SLC28A2: variants seen among roughly 807,000 people sequenced by gnomAD.
SLC28A2 encodes sodium/nucleoside cotransporter 2.
SLC28A2 carries 69 observed loss-of-function variants against 72.9 expected under a neutral mutation model. That is an observed-to-expected ratio of 0.95 (90% CI 0.78 to 1.16). SLC28A2 has a LOEUF of 1.16. Among genes scored for constraint, SLC28A2 ranks in the 50% most tolerant of loss-of-function variants. The pLI is 0.00. For missense variants in SLC28A2, 745 were observed against 791.1 expected (o/e 0.94, Z 0.70); for synonymous variants, 296 against 294.1 (o/e 1.01, Z -0.07).
Position 45,256,570 on chromosome 15 carries a change from A to AT in SLC28A2, c.170+3060dup, listed in dbSNP as rs996006202. On this transcript the variant is annotated intron_variant, in intron 3 of 17. Transcript: ENST00000347644. ...TTACACGTGCTACCACACCCAGCTA[A>AT]TTTTTTTTTTGTATTTTTAGTAGAG... is the stretch of plus-strand genomic sequence containing the variant. 3.9e-3 allele frequency among the ~76,000 whole-genome samples: 578 copies of AT among 147,354 alleles called. 3 individuals are homozygous for AT. The highest frequency in any genetic ancestry group is 0.012 in the African/African-American group (492 of 40,142).
At chr15:45,271,031 G>C (rs897776632) in intron 15 of SLC28A2, among the ~76,000 whole-genome samples, 2 of 152,212 alleles carry the variant, frequency 1.3e-5, no homozygotes, top group Admixed American at 6.5e-5. Flanking sequence ...AATAAAAGCA[G>C]CAGGCACATA....
chr15:45,264,793 T>C (rs1194807211), intron 7 of SLC28A2, 25 bp downstream of exon 7: 2 of 1,413,038 alleles, frequency 1.4e-6, no homozygotes, highest in East Asian at 2.3e-5. Flanking sequence ...ATGCGAGGGC[T>C]TTTCTCTTTT....
chr15:45,256,251 T>C (rs1899975148), intron 3 of SLC28A2, among the ~76,000 whole-genome samples: 1 of 152,186 alleles, frequency 6.6e-6, no homozygotes, highest in Non-Finnish European at 1.5e-5. Flanking sequence ...CCCAGGCTGG[T>C]CTTGAATTGC....
At chr15:45,256,837 T>C (rs1398586299) in intron 3 of SLC28A2, among the ~76,000 whole-genome samples, 3 of 152,172 alleles carry the variant, frequency 2.0e-5, no homozygotes, top group Non-Finnish European at 1.5e-5. Context: ...ATCTATCCTA[T>C]ATAGCTTCTA....
chr15:45,276,062 C>T lies in SLC28A2; in HGVS notation c.*549C>T, dbSNP rs11639349. On this transcript the variant is annotated 3_prime_UTR_variant, in exon 18 of 18. Coordinates refer to ENST00000347644, the MANE Select transcript of SLC28A2 (RefSeq NM_004212.4). The stretch of plus-strand genomic sequence containing the variant: ...TCCTCATGGGCCCTGCCTGAACTTT[C>T]ATTTGAAAAAATAAGTATTACTGTC... 95,289 of 152,000 alleles carry T rather than the reference C, an allele frequency of 0.63. 31,199 individuals are homozygous for T. Among genetic ancestry groups the T allele is most frequent in the African/African-American group, 0.71 (29,195 of 41,368 alleles). The allele number at this position is 152,000 out of a possible 1,614,324, so 9.4% of individuals were successfully genotyped here. A position where few individuals can be genotyped will look rare whatever the true frequency, so the allele number is the denominator to read the frequency against.
chr15:45,257,992 G>A (rs1364690141), intron 3 of SLC28A2, among the ~76,000 whole-genome samples: 1 of 152,170 alleles, frequency 6.6e-6, no homozygotes, highest in Admixed American at 6.5e-5. Context: ...GGGAGGCCAA[G>A]GCAGGCAGAT....
At position 45,263,262 on chromosome 15, in the gene SLC28A2, A is replaced by G. The variant is rs772053617; in HGVS notation, c.446+18A>G. On this transcript the variant is annotated intron_variant, in intron 5 of 17. Transcript: ENST00000347644. Reference sequence around the variant, plus strand: ...ACGAAATGGTAAGATAAGAATCTCAATACCTGGCCTCACAGCTTATCCCAG... The same window carrying G: ...ACGAAATGGTAAGATAAGAATCTCAGTACCTGGCCTCACAGCTTATCCCAG... 9 of 1,610,298 alleles carry G rather than the reference A, an allele frequency of 5.6e-6. No homozygotes were observed. The Admixed American group carries it at 1.5e-4, about 27-fold the overall frequency.
chr15:45,270,083 G>T, intron 14 of SLC28A2, 112 bp from the exon 15 acceptor site: 1 of 730,200 alleles, frequency 1.4e-6, no homozygotes, highest in East Asian at 2.5e-5. Context: ...ATGTTCCTTG[G>T]GAAACCATGG....
rs1199330383 is a variant in SLC28A2 at position 45,277,470 on chromosome 15, A to G, written c.*1957A>G. On this transcript the variant is annotated 3_prime_UTR_variant, in exon 18 of 18. Coordinates refer to ENST00000347644, the MANE Select transcript of SLC28A2 (RefSeq NM_004212.4). The stretch of plus-strand genomic sequence containing the variant: ...GGATAAATTGTGTTACATACACACA[A>G]TGGAATTTTATTCACCCATTAAAAA... The G allele has an allele frequency of 2.6e-5, 4 of 151,628 alleles. No individual in the cohort carries two copies. The South Asian group carries it at 8.3e-4, about 31-fold the overall frequency. The allele number at this position is 151,628 out of a possible 1,614,324, so 9.4% of individuals were successfully genotyped here. A position where few individuals can be genotyped will look rare whatever the true frequency, so the allele number is the denominator to read the frequency against.
chr15:45,253,903 C>T (rs1338262292), intron 3 of SLC28A2: 1 of 157,018 alleles, frequency 6.4e-6, no homozygotes, highest in Non-Finnish European at 1.4e-5. Context: ...CTGGAATACT[C>T]AGATTTGGGA....
Position 45,269,173 on chromosome 15 carries a change from T to TA in SLC28A2, c.1369-155dup, listed in dbSNP as rs888870285. 7.4e-4 allele frequency among the ~76,000 whole-genome samples: 108 copies of TA among 145,108 alleles called. No homozygotes were observed. The South Asian group carries it at 8.2e-3, about 11-fold the overall frequency. ...CCTAAGACTTAAAGTATAATAATAA[T>TA]AAAAAAAAAACAACCATGCATGTCC... On this transcript the variant is annotated intron_variant, in intron 13 of 17. Transcript: ENST00000347644.
At chr15:45,273,970 G>C (rs1900670543) in intron 17 of SLC28A2, among the ~76,000 whole-genome samples, 1 of 152,024 alleles carries the variant, frequency 6.6e-6, no homozygotes, top group East Asian at 1.9e-4. Flanking sequence ...TTGATTTATT[G>C]TATTGAGATG....
In SLC28A2 at chr15:45,267,510, T is replaced by C. The variant is rs1294147524; in HGVS notation, c.998T>C (p.Ile333Thr). 6.2e-7 allele frequency: 1 copy of C among 1,614,170 alleles called. No homozygotes were observed. Among genetic ancestry groups the C allele is most frequent in the Non-Finnish European group, 8.5e-7 (1 of 1,180,018 alleles). Reference protein sequence around the residue: ...PYLGDMTLSEIHAVMTGGFAT... With the variant: ...PYLGDMTLSETHAVMTGGFAT... ...CTTGGGGACATGACACTCTCTGAAA[T>C]CCATGCGGTGATGACTGGAGGGTTT... The change falls in exon 11 of 18, where the codon ATC becomes ACC. Residue 333 changes from isoleucine (I) to threonine (T), a missense_variant. Coordinates refer to ENST00000347644, the MANE Select transcript of SLC28A2 (RefSeq NM_004212.4).
intron 14 of SLC28A2, among the ~76,000 whole-genome samples, chr15:45,269,786 A>G (rs2413768): frequency 0.48 from 72,340 of 152,122 alleles, 20,960 homozygotes; most frequent in Non-Finnish European, 0.67. Flanking sequence ...ACTTCTCTCT[A>G]TAATGTAATT....
chr15:45,256,341 G>T (rs1899977667), intron 3 of SLC28A2, among the ~76,000 whole-genome samples: 1 of 150,694 alleles, frequency 6.6e-6, no homozygotes. Flanking sequence ...ACCTTAACTT[G>T]CATTTCTTTA....
intron 12 of SLC28A2, 25 bp downstream of exon 12, chr15:45,267,821 T>C (rs181519594): frequency 6.2e-7 from 1 of 1,613,110 alleles, no homozygotes; most frequent in Non-Finnish European, 8.5e-7. Context: ...GCATATACTT[T>C]GGGAGATGGT....
chr15:45,267,096 T>C (rs895390161), intron 10 of SLC28A2, among the ~76,000 whole-genome samples: 3 of 152,248 alleles, frequency 2.0e-5, no homozygotes, highest in Admixed American at 6.5e-5. Context: ...TCTCATTAAG[T>C]GCACTGCATT....
At chr15:45,260,287 G>A (rs983553607) in intron 3 of SLC28A2, among the ~76,000 whole-genome samples, 1 of 152,302 alleles carries the variant, frequency 6.6e-6, no homozygotes, top group African/African-American at 2.4e-5. Context: ...AACCTGATAA[G>A]CCAGAGGACA....
intron 3 of SLC28A2, among the ~76,000 whole-genome samples, chr15:45,261,184 G>A (rs1490248779): frequency 1.3e-5 from 2 of 152,226 alleles, no homozygotes; most frequent in East Asian, 3.9e-4. Flanking sequence ...TCAGATGGCT[G>A]CAGCATGCTG....
Sources: gnomAD v4.1 joint callset for allele counts (sites outside exome capture counted in the v4.1 genomes callset) on GRCh38, gnomAD v4.1.1 for gene constraint, MANE v1.5 for transcripts, NCBI Gene and HGNC (gene_info 2026-07-23, HGNC 2026-07-21) for gene names.